The following AGO1 variants were observed in gnomAD, a reference collection of about 807,000 sequenced individuals.
AGO1 encodes the protein argonaute RISC component 1, also known as protein argonaute-1.
Under a neutral mutation model 109.2 loss-of-function variants are expected in AGO1, and 11 were observed. That is an observed-to-expected ratio of 0.10 (90% CI 0.06 to 0.17). The LOEUF (loss-of-function observed/expected upper bound fraction) is 0.17, where lower values mean the gene tolerates loss of function less well. AGO1 is among the 10% of genes least tolerant of loss of function. The pLI is 1.00. For synonymous variants in AGO1, 422 were observed against 418.6 expected (o/e 1.01, Z -0.10); for missense variants, 574 against 1,140.3 (o/e 0.50, Z 7.15).
intron 8 of AGO1, among the ~76,000 whole-genome samples, chr1:35,899,605 A>G (rs934346866): frequency 7.9e-5 from 12 of 152,242 alleles, no homozygotes; most frequent in Admixed American, 1.3e-4. Context: ...TAAGAGAGCA[A>G]TCTCACAAAT....
chr1:35,892,606 G>C lies in AGO1; in HGVS notation c.259G>C (p.Asp87His). Residue 87 changes from aspartate (D) to histidine (H), a missense_variant, in exon 3 of 19, where the codon GAT becomes CAT. This residue lies in a region of AGO1 where 129 missense variants were observed against 243.0 expected (regional missense o/e 0.53). Coordinates refer to ENST00000373204, the MANE Select transcript of AGO1 (RefSeq NM_012199.5). ...VQHFKPQIFG[D>H]RKPVYDGKKN... ...GCATTTCAAGCCTCAGATCTTTGGT[G>C]ATCGCAAGCCTGTGTATGATGGAAA... 2 of 1,614,230 alleles carry C rather than the reference G, an allele frequency of 1.2e-6. No homozygotes were observed. The highest frequency in any genetic ancestry group is 8.5e-7 in the Non-Finnish European group (1 of 1,180,032).
chr1:35,881,178 A>T (rs1408016740), upstream of AGO1, among the ~76,000 whole-genome samples: 2 of 152,218 alleles, frequency 1.3e-5, no homozygotes, highest in Non-Finnish European at 2.9e-5. Context: ...TATGTAAAGC[A>T]GTAATTCTCA....
chr1:35,897,932 G>T (rs1645347435), intron 8 of AGO1, among the ~76,000 whole-genome samples: 1 of 152,134 alleles, frequency 6.6e-6, no homozygotes, highest in South Asian at 2.1e-4. Flanking sequence ...CCAACAGCCT[G>T]TAGTAACCAC....
At chr1:35,915,322 G>A in intron 14 of AGO1, 26 bp from the exon 15 acceptor site, 1 of 1,604,054 alleles carries the variant, frequency 6.2e-7, no homozygotes, top group South Asian at 1.1e-5. Context: ...GGTTCTAGGA[G>A]CTAATCCTTT....
intron 11 of AGO1, among the ~76,000 whole-genome samples, chr1:35,904,973 G>A (rs1243969366): frequency 6.6e-6 from 1 of 152,124 alleles, no homozygotes; most frequent in Non-Finnish European, 1.5e-5. Flanking sequence ...ATGGATGAGA[G>A]AGTTCTAGAC....
intron 1 of AGO1, among the ~76,000 whole-genome samples, chr1:35,886,511 T>C (rs1215150071): frequency 6.6e-6 from 1 of 152,138 alleles, no homozygotes; most frequent in Non-Finnish European, 1.5e-5. Flanking sequence ...GCTTTGAGGC[T>C]AGAGTGTCTG....
rs1454033513 is a variant in AGO1 at position 35,883,479 on chromosome 1, C to A, written c.25+33C>A. 1.3e-6 allele frequency: 2 copies of A among 1,537,908 alleles called. No individual in the cohort carries two copies. The highest frequency in any genetic ancestry group is 4.6e-5 in the Admixed American group (2 of 43,636). On this transcript the variant is annotated intron_variant, in intron 1 of 18. Transcript: ENST00000373204. This position sits in a 1 kb window ranked among gnomAD's most constrained non-coding sequence, Gnocchi z 5.4. ...TCCCCAGGAGGGGGAACGGTGCATG[C>A]TCCAAGGACTGGGGGATCCCGCATG... is the stretch of plus-strand genomic sequence containing the variant.
chr1:35,915,437 C>T lies in AGO1; in HGVS notation c.1923C>T (p.Ser641=), dbSNP rs148568098. The T allele has an allele frequency of 3.7e-6, 6 of 1,614,104 alleles. No individual in the cohort carries two copies. Among genetic ancestry groups the T allele is most frequent in the Non-Finnish European group, 5.1e-6 (6 of 1,180,022 alleles). The change falls in exon 15 of 19, where the codon TCC becomes TCT. Residue 641 remains serine (S), a synonymous_variant. Transcript: ENST00000373204. The part of the protein sequence containing the change: ...RPRQEIIEDL[S]YMVRELLIQF... Reference sequence around the variant, plus strand: ...GGCAAGAGATCATTGAAGACTTGTCCTACATGGTGCGTGAGCTCCTCATCC... The same window carrying T: ...GGCAAGAGATCATTGAAGACTTGTCTTACATGGTGCGTGAGCTCCTCATCC...
upstream of AGO1, among the ~76,000 whole-genome samples, chr1:35,882,148 T>C (rs1160997823): frequency 6.6e-6 from 1 of 152,202 alleles, no homozygotes; most frequent in Admixed American, 6.5e-5. The surrounding 1 kb of genome is among the most constrained non-coding windows in gnomAD (Gnocchi z 5.1). Flanking sequence ...GAGTGAAAGA[T>C]AAAGTGTTTG....
chr1:35,918,199 C>A, intron 16 of AGO1, 123 bp from the exon 17 acceptor site: 1 of 788,428 alleles, frequency 1.3e-6, no homozygotes. Flanking sequence ...ATTCAGTACC[C>A]TCAGGGAATA....
chr1:35,882,189 A>G (rs1279153024), upstream of AGO1, among the ~76,000 whole-genome samples: 1 of 152,222 alleles, frequency 6.6e-6, no homozygotes, highest in Non-Finnish European at 1.5e-5. This position sits in a 1 kb window ranked among gnomAD's most constrained non-coding sequence, Gnocchi z 5.1. Flanking sequence ...AAGTGCTGGT[A>G]GGATATCCAG....
In AGO1 at chr1:35,895,035, A is replaced by C; in HGVS notation, c.873-87A>C. The C allele has an allele frequency of 4.8e-6, 7 of 1,463,108 alleles. No homozygotes were observed. In the South Asian group the frequency reaches 8.5e-5, roughly 18 times the overall value. The allele number at this position is 1,463,108 out of a possible 1,614,324, so 90.6% of individuals were successfully genotyped here. Reference sequence around the variant, plus strand: ...ATTGGGGCCAAATGAAAAAGGAAAAAATCTGAGGCTTCCATGGTTGTGGGT... The same window carrying C: ...ATTGGGGCCAAATGAAAAAGGAAAACATCTGAGGCTTCCATGGTTGTGGGT... On this transcript the variant is annotated intron_variant, in intron 7 of 18. Coordinates refer to ENST00000373204, the MANE Select transcript of AGO1 (RefSeq NM_012199.5).
chr1:35,903,664 A>C lies in AGO1; in HGVS notation c.1397+1327A>C, dbSNP rs116531654. On this transcript the variant is annotated intron_variant, in intron 11 of 18. Transcript: ENST00000373204. The stretch of plus-strand genomic sequence containing the variant: ...TGAGCCCAGGAGTTTTCTGGGCAAT[A>C]TAGATCCTATAAGTTCTAGGCTGGG... Among the ~76,000 whole-genome samples the C allele has an allele frequency of 8.0e-3, 1,210 of 150,806 alleles. 21 individuals carry two copies. Among genetic ancestry groups the C allele is most frequent in the African/African-American group, 0.027 (1,086 of 40,964 alleles).
At chr1:35,876,351 C>G (rs1435125948) in intron 1 of AGO1, among the ~76,000 whole-genome samples, 1 of 151,682 alleles carries the variant, frequency 6.6e-6, no homozygotes, top group Non-Finnish European at 1.5e-5. Flanking sequence ...ACTGCAAGCT[C>G]CGCCTACTGG....
Position 35,893,605 on chromosome 1 carries a change from C to G in AGO1, c.513-69C>G, listed in dbSNP as rs553346713. 6.7e-7 allele frequency: 1 copy of G among 1,494,782 alleles called. No individual in the cohort carries two copies. The highest frequency in any genetic ancestry group is 9.0e-7 in the Non-Finnish European group (1 of 1,109,728). 92.6% of individuals were successfully genotyped at this position (1,494,782 alleles called of 1,614,324 possible). Reference sequence around the variant, plus strand: ...CCTGCCTTTCAGGCCAGGGCTCCTCCGTGCCCAGGATGCCTCACAGGGTGG... The same window carrying G: ...CCTGCCTTTCAGGCCAGGGCTCCTCGGTGCCCAGGATGCCTCACAGGGTGG... On this transcript the variant is annotated intron_variant, in intron 4 of 18. Transcript: ENST00000373204. The surrounding 1 kb of genome is among the most constrained non-coding windows in gnomAD (Gnocchi z 5.6).
intron 11 of AGO1, 54 bp from the exon 12 acceptor site, chr1:35,906,881 C>A: frequency 6.6e-7 from 1 of 1,508,980 alleles, no homozygotes; most frequent in Non-Finnish European, 9.0e-7. Context: ...GGATTTTTGT[C>A]AGAAGAATTC....
At position 35,904,486 on chromosome 1, in the gene AGO1, A is replaced by G. The variant is rs115546293; in HGVS notation, c.1397+2149A>G. 5.0e-3 allele frequency among the ~76,000 whole-genome samples: 756 copies of G among 152,290 alleles called. 6 individuals carry two copies. Among genetic ancestry groups the G allele is most frequent in the African/African-American group, 0.017 (700 of 41,564 alleles). On this transcript the variant is annotated intron_variant, in intron 11 of 18. Coordinates refer to ENST00000373204, the MANE Select transcript of AGO1 (RefSeq NM_012199.5). ...GCTCCCAGCTTTTTGCCTTTGTGCCATAGTCACTTCATTGTAGTTCTATTC... is the reference window on the plus strand; with the variant it reads ...GCTCCCAGCTTTTTGCCTTTGTGCCGTAGTCACTTCATTGTAGTTCTATTC...
rs139434492 is a variant in AGO1, at chr1:35,914,034, A to G, written c.1742+33A>G. 132 of 1,613,140 alleles carry G rather than the reference A, an allele frequency of 8.2e-5. No individual in the cohort carries two copies. The African/African-American group carries it at 1.6e-3, about 20-fold the overall frequency. On this transcript the variant is annotated intron_variant, in intron 13 of 18. Transcript: ENST00000373204. ...CTCTGTTGTCCACTTGCCCTTGTCAAGGTACCATGCTGGGAATTGATGAAG... is the reference window on the plus strand; with the variant it reads ...CTCTGTTGTCCACTTGCCCTTGTCAGGGTACCATGCTGGGAATTGATGAAG...
chr1:35,919,441 G>A lies in AGO1; in HGVS notation c.2466-58G>A. ...ATTGGCATCCCAGGGCTGGGCGAGG[G>A]AATTAGCAGCAGCTCTCAGTTCACC... On this transcript the variant is annotated intron_variant, in intron 18 of 18. Transcript: ENST00000373204. This position sits in a 1 kb window ranked among gnomAD's most constrained non-coding sequence, Gnocchi z 6.6. The A allele has an allele frequency of 7.8e-6, 12 of 1,539,474 alleles. 1 individual carries two copies. The South Asian group carries it at 1.3e-4, about 17-fold the overall frequency.
Sources: allele counts gnomAD v4.1 joint callset (sites outside exome capture counted in the v4.1 genomes callset), GRCh38; gene constraint gnomAD v4.1.1; regional missense constraint gnomAD v4.1.1; non-coding constraint Gnocchi (gnomAD v3.1); transcripts MANE v1.5; gene names NCBI Gene and HGNC (gene_info 2026-07-23, HGNC 2026-07-21).